Variants in SLC14A2 observed in about 807,000 individuals in gnomAD.
SLC14A2 encodes the protein urea transporter 2.
SLC14A2 carries 91 observed loss-of-function variants against 104.6 expected under a neutral mutation model. The ratio of observed to expected loss-of-function variants is 0.87; its 90% CI spans 0.73 to 1.04. The LOEUF (loss-of-function observed/expected upper bound fraction) is 1.04, where lower values mean the gene tolerates loss of function less well. SLC14A2 is among the 50% of genes least tolerant of loss of function. The probability of loss-of-function intolerance (pLI) is 0.00; values close to 1 mark genes in which losing one functional copy is unlikely to be tolerated. For missense variants in SLC14A2, 1,189 were observed against 1,156.0 expected (o/e 1.03, Z -0.41); for synonymous variants, 476 against 466.4 (o/e 1.02, Z -0.27).
At chr18:45,253,119 A>G (rs1398338801) in intron 1 of SLC14A2, among the ~76,000 whole-genome samples, 1 of 152,174 alleles carries the variant, frequency 6.6e-6, no homozygotes, top group Non-Finnish European at 1.5e-5. Flanking sequence ...ATATGTTAAA[A>G]CCAGATTGTT....
At chr18:45,307,938 G>A (rs933802934) in intron 1 of SLC14A2, among the ~76,000 whole-genome samples, 4 of 152,190 alleles carry the variant, frequency 2.6e-5, no homozygotes, top group African/African-American at 9.7e-5. Flanking sequence ...TTCTGGTGAG[G>A]ACCTCAGGGA....
chr18:45,585,864 C>G (rs983775225), intron 2 of SLC14A2, among the ~76,000 whole-genome samples: 8 of 152,196 alleles, frequency 5.3e-5, no homozygotes, highest in Admixed American at 2.6e-4. Context: ...GTGCCTGTTC[C>G]TGAGCAGAAC....
intron 1 of SLC14A2, among the ~76,000 whole-genome samples, chr18:45,365,750 G>A (rs1164000004): frequency 6.6e-6 from 1 of 152,130 alleles, no homozygotes; most frequent in Non-Finnish European, 1.5e-5. Context: ...AGAGCCAAGA[G>A]GCCTGCGTTC....
At chr18:45,395,383 C>A (rs1254635135) in intron 1 of SLC14A2, among the ~76,000 whole-genome samples, 1 of 152,112 alleles carries the variant, frequency 6.6e-6, no homozygotes, top group Non-Finnish European at 1.5e-5. Flanking sequence ...TGGAGGAAGC[C>A]TCCATTTGGA....
chr18:45,656,407 T>C (rs1464389735), intron 10 of SLC14A2, among the ~76,000 whole-genome samples: 1 of 152,160 alleles, frequency 6.6e-6, no homozygotes. Flanking sequence ...TGTAAACACA[T>C]CAGGAAAGCC....
chr18:45,225,377 C>T (rs1285139493), intron 1 of SLC14A2, among the ~76,000 whole-genome samples: 1 of 152,104 alleles, frequency 6.6e-6, no homozygotes, highest in Non-Finnish European at 1.5e-5. Context: ...CAGTACCATG[C>T]TGTTTTGGTT....
intron 1 of SLC14A2, among the ~76,000 whole-genome samples, chr18:45,305,404 A>G (rs905094944): frequency 6.6e-6 from 1 of 152,218 alleles, no homozygotes; most frequent in Admixed American, 6.5e-5. Flanking sequence ...CTAGTTTAGC[A>G]TTCACTTAGA....
Position 45,277,665 on chromosome 18 carries a change from T to A in SLC14A2, c.-125+64474T>A, listed in dbSNP as rs531745804. Reference sequence around the variant, plus strand: ...CTCAAGCAATCCACCCACCTTGGCCTCCCAAAGTGTTGGGCTTACAGGCAT... The same window carrying A: ...CTCAAGCAATCCACCCACCTTGGCCACCCAAAGTGTTGGGCTTACAGGCAT... On this transcript the variant is annotated intron_variant, in intron 1 of 20. Transcript: ENST00000586448. Among the ~76,000 whole-genome samples, 30 of 152,330 alleles carry A rather than the reference T, an allele frequency of 2.0e-4. 1 individual carries two copies. Among genetic ancestry groups the A allele is most frequent in the Admixed American group, 9.8e-4 (15 of 15,292 alleles).
At chr18:45,679,819 C>T (rs539682059) in intron 19 of SLC14A2, among the ~76,000 whole-genome samples, 1 of 152,270 alleles carries the variant, frequency 6.6e-6, no homozygotes, top group East Asian at 1.9e-4. Flanking sequence ...ATCCCGTCTT[C>T]CCCAGTGAAC....
intron 1 of SLC14A2, among the ~76,000 whole-genome samples, chr18:45,430,411 A>G (rs1419682936): frequency 6.6e-6 from 1 of 152,216 alleles, no homozygotes. Flanking sequence ...CAAGTTGAAT[A>G]AAGAAAATAT....
chr18:45,210,099 G>A (rs558586282), upstream of SLC14A2, among the ~76,000 whole-genome samples: 9 of 152,252 alleles, frequency 5.9e-5, no homozygotes, highest in Non-Finnish European at 7.4e-5. Context: ...ATGGTCGCTC[G>A]AGCCCAGGGA....
At chr18:45,348,717 T>C (rs1458472944) in intron 1 of SLC14A2, among the ~76,000 whole-genome samples, 2 of 152,254 alleles carry the variant, frequency 1.3e-5, no homozygotes, top group African/African-American at 4.8e-5. Context: ...AATGATTTTC[T>C]CTATTTAATA....
chr18:45,392,833 T>C (rs887358574), intron 1 of SLC14A2, among the ~76,000 whole-genome samples: 10 of 152,202 alleles, frequency 6.6e-5, no homozygotes, highest in African/African-American at 2.2e-4. Context: ...TCTTAGTAAA[T>C]GAAGATAAAG....
intron 2 of SLC14A2, among the ~76,000 whole-genome samples, chr18:45,595,347 A>T (rs973884539): frequency 2.0e-5 from 3 of 151,812 alleles, no homozygotes; most frequent in Non-Finnish European, 4.4e-5. Flanking sequence ...TATACGCAGT[A>T]TCTCATTTCA....
At chr18:45,446,466 C>G (rs2086771785) in intron 1 of SLC14A2, among the ~76,000 whole-genome samples, 1 of 152,134 alleles carries the variant, frequency 6.6e-6, no homozygotes, top group Non-Finnish European at 1.5e-5. Flanking sequence ...CACCAAAGAC[C>G]CAACAATGCT....
At chr18:45,384,776 T>C (rs1304205207) in intron 1 of SLC14A2, among the ~76,000 whole-genome samples, 1 of 151,968 alleles carries the variant, frequency 6.6e-6, no homozygotes, top group Non-Finnish European at 1.5e-5. Flanking sequence ...CCCAGGAGGG[T>C]ATGTGTATGT....
chr18:45,244,676 A>C (rs1241243506), intron 1 of SLC14A2, among the ~76,000 whole-genome samples: 1 of 152,150 alleles, frequency 6.6e-6, no homozygotes, highest in Non-Finnish European at 1.5e-5. Context: ...GTGGTGCTTT[A>C]AAATAGACAT....
At chr18:45,227,514 G>A (rs1449928897) in intron 1 of SLC14A2, among the ~76,000 whole-genome samples, 1 of 152,238 alleles carries the variant, frequency 6.6e-6, no homozygotes, top group Non-Finnish European at 1.5e-5. Context: ...AGAAGGCAGA[G>A]GGCAAGCTAG....
intron 2 of SLC14A2, among the ~76,000 whole-genome samples, chr18:45,550,846 T>G (rs887134447): frequency 3.9e-5 from 6 of 152,156 alleles, no homozygotes; most frequent in Non-Finnish European, 5.9e-5. Context: ...ATAGTCCCAG[T>G]TGTCACAGAG....
Sources: allele counts gnomAD v4.1 joint callset (sites outside exome capture counted in the v4.1 genomes callset), GRCh38; gene constraint gnomAD v4.1.1; transcripts MANE v1.5; gene names NCBI Gene and HGNC (gene_info 2026-07-23, HGNC 2026-07-21).